Variants in EDA observed in about 807,000 individuals in gnomAD.
EDA encodes the protein ectodysplasin-A.
In EDA, 2 loss-of-function variants were observed where a neutral mutation model predicts 23.6. That is an observed-to-expected ratio of 0.08 (90% CI 0.03 to 0.27). EDA has a LOEUF of 0.27. Ranked by LOEUF, EDA falls within the 10% of genes least tolerant of loss-of-function variation. The probability of loss-of-function intolerance (pLI) is 1.00; values close to 1 mark genes in which losing one functional copy is unlikely to be tolerated. For missense variants in EDA, 229 were observed against 324.2 expected (o/e 0.71, Z 2.26); for synonymous variants, 131 against 132.0 (o/e 0.99, Z 0.05).
At position 70,038,707 on chromosome X, in the gene EDA, A is replaced by G. The variant is rs900177112; in HGVS notation, c.*3098A>G. The G allele has an allele frequency of 1.4e-4, 16 of 112,498 alleles. No homozygotes were observed. Among genetic ancestry groups the G allele is most frequent in the Non-Finnish European group, 7.5e-5 (4 of 53,261 alleles). 9.3% of individuals were successfully genotyped at this position (112,498 alleles called of 1,213,427 possible). A position where few individuals can be genotyped will look rare whatever the true frequency, so the allele number is the denominator to read the frequency against. On this transcript the variant is annotated 3_prime_UTR_variant, in exon 8 of 8. Coordinates refer to ENST00000374552, the MANE Select transcript of EDA (RefSeq NM_001399.5). Reference sequence around the variant, plus strand: ...CTAGGAACCCTGGAGGTAAACAAAGACTTTGATCCATGTATGAGTGTATGT... The same window carrying G: ...CTAGGAACCCTGGAGGTAAACAAAGGCTTTGATCCATGTATGAGTGTATGT...
chrX:69,736,492 G>C (rs1179360435), intron 1 of EDA, among the ~76,000 whole-genome samples: 1 of 109,076 alleles, frequency 9.2e-6, no homozygotes, highest in African/African-American at 3.3e-5. Flanking sequence ...ACCATGCCTG[G>C]CTAATTCTGT....
At chrX:69,804,521 T>C (rs1343799151) in intron 1 of EDA, among the ~76,000 whole-genome samples, 3 of 110,784 alleles carry the variant, frequency 2.7e-5, no homozygotes, top group Non-Finnish European at 5.7e-5. Context: ...AAGACAAAGC[T>C]AAAAGAAACA....
At chrX:69,797,739 G>A (rs1441473671) in intron 1 of EDA, among the ~76,000 whole-genome samples, 1 of 111,391 alleles carries the variant, frequency 9.0e-6, no homozygotes, top group Non-Finnish European at 1.9e-5. Context: ...TGAAAAACAA[G>A]AGAAAAAGAA....
intron 2 of EDA, among the ~76,000 whole-genome samples, chrX:70,007,395 T>C (rs909918378): frequency 1.8e-5 from 2 of 111,558 alleles, no homozygotes; most frequent in Non-Finnish European, 3.8e-5. Context: ...TAAAGGCAGT[T>C]ACTCCCATGC....
At chrX:69,919,483 C>G (rs1048596666) in intron 1 of EDA, among the ~76,000 whole-genome samples, 6 of 111,994 alleles carry the variant, frequency 5.4e-5, no homozygotes, top group Non-Finnish European at 1.1e-4. Flanking sequence ...CCATTGAGCT[C>G]TCTCTTTCCC....
At chrX:69,806,822 A>C (rs938251189) in intron 1 of EDA, among the ~76,000 whole-genome samples, 4 of 110,032 alleles carry the variant, frequency 3.6e-5, no homozygotes, top group African/African-American at 1.3e-4. Context: ...AGGAGCATAG[A>C]GAGTTTCAAC....
chrX:70,018,725 A>G (rs1180975184), intron 2 of EDA, among the ~76,000 whole-genome samples: 1 of 111,964 alleles, frequency 8.9e-6, no homozygotes, highest in Non-Finnish European at 1.9e-5. Context: ...ACCCAAAACT[A>G]TAAAAACCCT....
At chrX:69,764,480 T>A in intron 1 of EDA, among the ~76,000 whole-genome samples, 1 of 108,269 alleles carries the variant, frequency 9.2e-6, no homozygotes. Context: ...TGATCTCAAG[T>A]GATCCACCCG....
At chrX:70,032,288 G>A (rs2020210754) in intron 6 of EDA, among the ~76,000 whole-genome samples, 2 of 108,546 alleles carry the variant, frequency 1.8e-5, no homozygotes, top group Middle Eastern at 4.8e-3. Context: ...AGAAGAAGAA[G>A]TGATGGGGTC....
At chrX:69,747,213 T>C (rs913898580) in intron 1 of EDA, among the ~76,000 whole-genome samples, 1 of 112,027 alleles carries the variant, frequency 8.9e-6, no homozygotes. Flanking sequence ...ATACTCATGA[T>C]AGGATGGTTA....
chrX:69,847,154 C>G (rs1293460000), intron 1 of EDA, among the ~76,000 whole-genome samples: 1 of 111,281 alleles, frequency 9.0e-6, no homozygotes. Flanking sequence ...TGAGAAGTCC[C>G]AGTCAGAAAT....
chrX:69,713,336 GAATTGACATTGGTAC>G (rs1304125859), intron 1 of EDA, among the ~76,000 whole-genome samples: 1 of 111,685 alleles, frequency 9.0e-6, no homozygotes, highest in East Asian at 2.8e-4. Context: ...TCATGACCAG[GAATTGACATTGGTAC>G]AATCTACCCA....
intron 1 of EDA, among the ~76,000 whole-genome samples, chrX:69,795,460 A>G (rs919490998): frequency 2.7e-5 from 3 of 113,086 alleles, no homozygotes; most frequent in African/African-American, 6.4e-5. Context: ...AGTAAAATTT[A>G]TAGGCCAAAT....
rs1477168845 is a variant in EDA at position 70,035,901 on chromosome X, T to C, written c.*292T>C. ...CATGACTCTTCAACCCCGAGGTCCC[T>C]GTTGTCAGATCTATTGTTTGTTGCA... On this transcript the variant is annotated 3_prime_UTR_variant, in exon 8 of 8. Coordinates refer to ENST00000374552, the MANE Select transcript of EDA (RefSeq NM_001399.5). The C allele has an allele frequency of 8.1e-6, 3 of 370,138 alleles. No individual in the cohort carries two copies. Among genetic ancestry groups the C allele is most frequent in the Non-Finnish European group, 1.4e-5 (3 of 213,602 alleles). 30.5% of individuals were successfully genotyped at this position (370,138 alleles called of 1,213,427 possible).
intron 1 of EDA, among the ~76,000 whole-genome samples, chrX:69,693,446 TATA>T (rs989551543): frequency 8.0e-5 from 9 of 111,826 alleles, no homozygotes; most frequent in Admixed American, 2.9e-4. Context: ...CTATCGTTAC[TATA>T]ATAACATTTC....
At chrX:69,691,874 A>G (rs1344164320) in intron 1 of EDA, among the ~76,000 whole-genome samples, 1 of 111,974 alleles carries the variant, frequency 8.9e-6, no homozygotes, top group Non-Finnish European at 1.9e-5. Flanking sequence ...AGGTAACTCT[A>G]ATCAATTTTT....
intron 1 of EDA, among the ~76,000 whole-genome samples, chrX:69,843,805 G>A (rs965604950): frequency 5.4e-5 from 6 of 110,957 alleles, no homozygotes; most frequent in African/African-American, 1.3e-4. Flanking sequence ...GGTGGATCAC[G>A]AGGTCAGGAG....
chrX:69,923,756 CA>C (rs2018471455), intron 1 of EDA, among the ~76,000 whole-genome samples: 1 of 111,566 alleles, frequency 9.0e-6, no homozygotes, highest in South Asian at 3.8e-4. Flanking sequence ...TACTGTCTTC[CA>C]CAATGGTTGA....
At chrX:70,015,311 G>A (rs186287486) in intron 2 of EDA, among the ~76,000 whole-genome samples, 152 of 112,080 alleles carry the variant, frequency 1.4e-3, no homozygotes, top group East Asian at 5.9e-3. Flanking sequence ...AGTGGCTCAC[G>A]TCTGTAATCT....
Sources: allele counts gnomAD v4.1 joint callset (sites outside exome capture counted in the v4.1 genomes callset), GRCh38; gene constraint gnomAD v4.1.1; transcripts MANE v1.5; gene names NCBI Gene and HGNC (gene_info 2026-07-23, HGNC 2026-07-21).